HDAC9: variants seen among roughly 807,000 people sequenced by gnomAD.
The protein encoded by HDAC9 is histone deacetylase 9, also known as MEF-2 interacting transcription repressor (MITR) protein.
Under a neutral mutation model 139.4 loss-of-function variants are expected in HDAC9, and 41 were observed. That is an observed-to-expected ratio of 0.29 (90% CI 0.23 to 0.38). The LOEUF is 0.38. HDAC9 is among the 10% of genes least tolerant of loss of function. HDAC9 has a pLI of 1.00. For synonymous variants in HDAC9, 517 were observed against 476.2 expected, an observed-to-expected ratio of 1.09 and a Z score of -1.12; for missense variants, 1,147 against 1,297.0, an observed-to-expected ratio of 0.88 and a Z score of 1.78.
intron 2 of HDAC9, among the ~76,000 whole-genome samples, chr7:18,535,185 TG>T (rs2128589690): frequency 6.6e-6 from 1 of 152,320 alleles, no homozygotes; most frequent in South Asian, 2.1e-4. Flanking sequence ...CTTCTTTTTT[TG>T]CTGTAGGTTT....
chr7:18,180,016 T>C (rs933084753), intron 2 of HDAC9, among the ~76,000 whole-genome samples: 4 of 152,168 alleles, frequency 2.6e-5, no homozygotes, highest in African/African-American at 9.7e-5. Flanking sequence ...ATCTCCCAGC[T>C]CTGTCACAAT....
At chr7:18,207,776 G>A (rs984090916) in intron 2 of HDAC9, among the ~76,000 whole-genome samples, 19 of 151,584 alleles carry the variant, frequency 1.3e-4, no homozygotes, top group Non-Finnish European at 4.4e-5. Flanking sequence ...GTGCAATGGC[G>A]CGATCTCGGC....
intron 1 of HDAC9, among the ~76,000 whole-genome samples, chr7:18,141,143 T>A (rs1309728103): frequency 2.0e-5 from 3 of 152,202 alleles, no homozygotes; most frequent in African/African-American, 7.2e-5. Flanking sequence ...CTGTAATGAG[T>A]GTTTTGCAGA....
chr7:18,942,706 G>T (rs903405792), intron 23 of HDAC9, among the ~76,000 whole-genome samples: 1 of 152,024 alleles, frequency 6.6e-6, no homozygotes, highest in Non-Finnish European at 1.5e-5. Flanking sequence ...AAAGCCAATT[G>T]TGTGTATCTC....
At chr7:18,376,301 T>G (rs553496749) in intron 1 of HDAC9, among the ~76,000 whole-genome samples, 2 of 152,332 alleles carry the variant, frequency 1.3e-5, no homozygotes, top group East Asian at 3.9e-4. Context: ...CTCTTCTAAA[T>G]AAGATTTGAA....
At chr7:18,991,621 T>G (rs981101615) in intron 25 of HDAC9, among the ~76,000 whole-genome samples, 3 of 148,902 alleles carry the variant, frequency 2.0e-5, no homozygotes, top group African/African-American at 7.5e-5. Context: ...TGGGTGACAG[T>G]GAGAGACTCC....
Position 18,131,020 on chromosome 7 carries a change from T to C in HDAC9, c.-96-31209T>C, listed in dbSNP as rs143805879. 4.7e-4 allele frequency among the ~76,000 whole-genome samples: 71 copies of C among 152,240 alleles called. No homozygotes were observed. The East Asian group carries it at 0.01, about 22-fold the overall frequency. On this transcript the variant is annotated intron_variant, in intron 1 of 12. Transcript: ENST00000417496. ...TTATAATCGAGTGTTTAGAAATCTT[T>C]ACAAATCACCAGTTGGTTATTTTTC...
chr7:18,820,907 G>T (rs1794916856), intron 17 of HDAC9, among the ~76,000 whole-genome samples: 1 of 152,168 alleles, frequency 6.6e-6, no homozygotes, highest in African/African-American at 2.4e-5. Context: ...GAGTGTCTTA[G>T]TCCATTTGTA....
chr7:18,192,751 T>C lies in HDAC9; in HGVS notation c.25+30402T>C, dbSNP rs549997433. Reference sequence around the variant, plus strand: ...AATTCAACAATGGAATAGAATAGGCTAAAATACAACATGCCAGAATGCACA... The same window carrying C: ...AATTCAACAATGGAATAGAATAGGCCAAAATACAACATGCCAGAATGCACA... On this transcript the variant is annotated intron_variant, in intron 2 of 12. Transcript: ENST00000417496. Among the ~76,000 whole-genome samples, 10 of 152,314 alleles carry C rather than the reference T, an allele frequency of 6.6e-5. No homozygotes were observed. The South Asian group carries it at 2.1e-3, about 32-fold the overall frequency.
At chr7:18,309,527 C>T (rs912666027) in intron 1 of HDAC9, among the ~76,000 whole-genome samples, 1 of 152,144 alleles carries the variant, frequency 6.6e-6, no homozygotes, top group African/African-American at 2.4e-5. Context: ...CTTCCATTCT[C>T]CCTGAGGAGA....
intron 12 of HDAC9, among the ~76,000 whole-genome samples, chr7:18,690,875 G>A (rs1428093849): frequency 6.6e-6 from 1 of 151,790 alleles, no homozygotes; most frequent in African/African-American, 2.4e-5. Context: ...GTCCTTTATG[G>A]AATTTGCCTC....
chr7:18,442,423 A>G (rs181432076), intron 1 of HDAC9, among the ~76,000 whole-genome samples: 3 of 152,250 alleles, frequency 2.0e-5, no homozygotes, highest in Admixed American at 2.0e-4. Flanking sequence ...CAGTTGCCGG[A>G]CTCACATTCC....
chr7:18,988,727 C>T lies in HDAC9; in HGVS notation c.3171-7296C>T, dbSNP rs1329441053. 2.6e-5 allele frequency among the ~76,000 whole-genome samples: 4 copies of T among 151,490 alleles called. 1 individual carries two copies. In the East Asian group the frequency reaches 7.7e-4, roughly 29 times the overall value. Reference sequence around the variant, plus strand: ...CTCTTTGTAGGTCACTCAGGACTTGCTTTATGAATCTGGGTGCCCCTGTAT... The same window carrying T: ...CTCTTTGTAGGTCACTCAGGACTTGTTTTATGAATCTGGGTGCCCCTGTAT... On this transcript the variant is annotated intron_variant, in intron 25 of 25. Coordinates refer to ENST00000686413, the MANE Select transcript of HDAC9 (RefSeq NM_178425.4).
At chr7:18,664,131 C>T (rs765550981) in intron 11 of HDAC9, among the ~76,000 whole-genome samples, 1 of 152,006 alleles carries the variant, frequency 6.6e-6, no homozygotes, top group Non-Finnish European at 1.5e-5. Context: ...CAGTAGTGTC[C>T]AAAGTACTAT....
chr7:18,874,119 C>CG (rs1262473610), intron 21 of HDAC9, among the ~76,000 whole-genome samples: 1 of 151,844 alleles, frequency 6.6e-6, no homozygotes, highest in Non-Finnish European at 1.5e-5. Context: ...CTTTGACTTT[C>CG]CTCTGTAAAA....
intron 1 of HDAC9, among the ~76,000 whole-genome samples, chr7:18,330,460 C>A (rs1800833708): frequency 6.6e-6 from 1 of 151,356 alleles, no homozygotes; most frequent in Non-Finnish European, 1.5e-5. Context: ...TCACAGTCCC[C>A]CAAAGCATTA....
At chr7:18,117,675 G>A (rs1784093751) in intron 1 of HDAC9, among the ~76,000 whole-genome samples, 1 of 152,130 alleles carries the variant, frequency 6.6e-6, no homozygotes, top group Non-Finnish European at 1.5e-5. Context: ...GCTAGGAAGA[G>A]GCAAGGAAGG....
In HDAC9 at chr7:18,772,245, T is replaced by G. The variant is rs151170319; in HGVS notation, c.2214+5090T>G. ...CAGGTCATGGGAGGCAGCCAGGCATTGACTGTTCAGGCAATAGAACACACC... is the reference window on the plus strand; with the variant it reads ...CAGGTCATGGGAGGCAGCCAGGCATGGACTGTTCAGGCAATAGAACACACC... On this transcript the variant is annotated intron_variant, in intron 16 of 25. Coordinates refer to ENST00000686413, the MANE Select transcript of HDAC9 (RefSeq NM_178425.4). Among the ~76,000 whole-genome samples, 816 of 152,162 alleles carry G rather than the reference T, an allele frequency of 5.4e-3. 5 individuals are homozygous for G. The highest frequency in any genetic ancestry group is 8.2e-3 in the Admixed American group (125 of 15,238).
chr7:18,282,467 A>G (rs943886310), intron 2 of HDAC9, among the ~76,000 whole-genome samples: 1 of 152,180 alleles, frequency 6.6e-6, no homozygotes, highest in Non-Finnish European at 1.5e-5. Flanking sequence ...GGGGAAATAG[A>G]TGAGAGTGAT....
Sources: allele counts gnomAD v4.1 joint callset (sites outside exome capture counted in the v4.1 genomes callset), GRCh38; gene constraint gnomAD v4.1.1; transcripts MANE v1.5; gene names NCBI Gene and HGNC (gene_info 2026-07-23, HGNC 2026-07-21).